The following PDE1C variants were observed in gnomAD, a reference collection of about 807,000 sequenced individuals.
PDE1C encodes the protein dual specificity calcium/calmodulin-dependent 3',5'-cyclic nucleotide phosphodiesterase 1C.
Under a neutral mutation model 93.1 loss-of-function variants are expected in PDE1C, and 62 were observed. That is an observed-to-expected ratio of 0.67 (90% CI 0.54 to 0.82). The LOEUF (loss-of-function observed/expected upper bound fraction) is 0.82. Ranked by LOEUF, PDE1C falls within the 40% of genes least tolerant of loss-of-function variation. The pLI is 0.00. For missense variants in PDE1C, 742 were observed against 884.6 expected, an observed-to-expected ratio of 0.84 and a Z score of 2.04; for synonymous variants, 325 against 310.1, an observed-to-expected ratio of 1.05 and a Z score of -0.50.
chr7:31,789,163 C>T (rs1784309682), intron 16 of PDE1C: 1 of 152,256 alleles, frequency 6.6e-6, no homozygotes, highest in African/African-American at 2.4e-5. Context: ...ATCTAAATCA[C>T]ATCATTTAGA....
intron 3 of PDE1C, among the ~76,000 whole-genome samples, chr7:32,109,701 T>A (rs1486226435): frequency 6.6e-6 from 1 of 152,218 alleles, no homozygotes; most frequent in Non-Finnish European, 1.5e-5. Flanking sequence ...TGATTCTCAC[T>A]ATTCAACAAA....
intron 1 of PDE1C, among the ~76,000 whole-genome samples, chr7:32,305,372 G>A (rs1278637297): frequency 6.6e-6 from 1 of 152,136 alleles, no homozygotes; most frequent in East Asian, 1.9e-4. Flanking sequence ...TTGTTAACCA[G>A]GGAAACTTAC....
chr7:32,071,498 C>T (rs182773353), upstream of PDE1C: 1 of 801,100 alleles, frequency 1.2e-6, no homozygotes, highest in Non-Finnish European at 1.5e-6. Flanking sequence ...TCCCTTTCAC[C>T]CCCCCACCCC....
At chr7:32,416,475 G>C (rs1785279189) in intron 1 of PDE1C, among the ~76,000 whole-genome samples, 1 of 152,188 alleles carries the variant, frequency 6.6e-6, no homozygotes, top group Admixed American at 6.5e-5. Context: ...TAGGCACCTC[G>C]AGACATTTTG....
chr7:32,144,272 T>C (rs952220503), intron 3 of PDE1C, among the ~76,000 whole-genome samples: 3 of 152,122 alleles, frequency 2.0e-5, no homozygotes, highest in Admixed American at 2.0e-4. Context: ...CTCTCTTCTG[T>C]GCCAGCTTTG....
intron 15 of PDE1C, among the ~76,000 whole-genome samples, chr7:31,815,074 A>G (rs921251104): frequency 6.6e-6 from 1 of 152,060 alleles, no homozygotes; most frequent in African/African-American, 2.4e-5. Context: ...AGCCAGCTTC[A>G]GCATTCAAAA....
intron 16 of PDE1C, chr7:31,788,148 G>T (rs568385536): frequency 6.6e-6 from 1 of 152,054 alleles, no homozygotes; most frequent in South Asian, 2.1e-4. Flanking sequence ...TTCAAATGTT[G>T]TTTCTTGTTG....
chr7:32,072,609 C>T (rs776711800), upstream of PDE1C, among the ~76,000 whole-genome samples: 2 of 151,658 alleles, frequency 1.3e-5, no homozygotes, highest in African/African-American at 2.4e-5. Context: ...TGTGGAAGTA[C>T]AATAATGATA....
At chr7:32,338,948 A>G (rs1314848520) in intron 1 of PDE1C, among the ~76,000 whole-genome samples, 5 of 151,410 alleles carry the variant, frequency 3.3e-5, no homozygotes, top group Non-Finnish European at 7.4e-5. Context: ...GCTTGCAGTG[A>G]CCCGAGATCG....
At chr7:31,995,417 C>T (rs968963546) in intron 2 of PDE1C, among the ~76,000 whole-genome samples, 1 of 151,880 alleles carries the variant, frequency 6.6e-6, no homozygotes, top group Admixed American at 6.5e-5. Context: ...ACCTGCTATG[C>T]CCAGAAGCCC....
intron 2 of PDE1C, among the ~76,000 whole-genome samples, chr7:31,964,830 G>A (rs537011593): frequency 1.3e-5 from 2 of 152,222 alleles, no homozygotes; most frequent in Non-Finnish European, 2.9e-5. Context: ...CACCGTTGCT[G>A]ATACCCAGGC....
At chr7:31,635,837 C>A in the PDE1C span, among the ~76,000 whole-genome samples, 2 of 152,046 alleles carry the variant, frequency 1.3e-5, no homozygotes, top group Non-Finnish European at 2.9e-5. Flanking sequence ...AGGCTTAATA[C>A]CTAGGTGATT....
At chr7:31,829,432 T>C (rs1032611033) in intron 11 of PDE1C, among the ~76,000 whole-genome samples, 3 of 152,174 alleles carry the variant, frequency 2.0e-5, no homozygotes, top group Middle Eastern at 3.2e-3. Flanking sequence ...TACACTCCGA[T>C]TGTAATAAGT....
rs1182886402 is a variant in PDE1C, at chr7:31,751,495, C to G, written c.*1889G>C. The G allele has an allele frequency of 6.6e-6, 1 of 152,102 alleles. No homozygotes were observed. The highest frequency in any genetic ancestry group is 1.5e-5 in the Non-Finnish European group (1 of 68,016). 9.4% of individuals were successfully genotyped at this position (152,102 alleles called of 1,614,324 possible). A position where few individuals can be genotyped will look rare whatever the true frequency, so the allele number is the denominator to read the frequency against. On this transcript the variant is annotated 3_prime_UTR_variant, in exon 18 of 18. Transcript: ENST00000396191. ...AACATTATTTGAGGAGGCTACTACTCCCATGGGCCTCCTCAGTGTGTAGCC... is the reference window on the plus strand; with the variant it reads ...AACATTATTTGAGGAGGCTACTACTGCCATGGGCCTCCTCAGTGTGTAGCC...
At chr7:31,934,994 A>G (rs1804838461) in intron 2 of PDE1C, among the ~76,000 whole-genome samples, 1 of 152,224 alleles carries the variant, frequency 6.6e-6, no homozygotes, top group South Asian at 2.1e-4. Context: ...CTACATTGTT[A>G]AACTAATCTC....
chr7:32,316,701 T>C (rs1270404707), intron 1 of PDE1C, among the ~76,000 whole-genome samples: 4 of 152,230 alleles, frequency 2.6e-5, no homozygotes, highest in African/African-American at 7.2e-5. Context: ...CCAAAAACTC[T>C]ACCAGAGAAT....
chr7:31,739,364 G>C, the PDE1C span, among the ~76,000 whole-genome samples: 6 of 152,120 alleles, frequency 3.9e-5, no homozygotes, highest in Non-Finnish European at 8.8e-5. Flanking sequence ...AGCCTTCATG[G>C]GGTCCCTAGA....
chr7:31,853,444 T>C (rs1400550307), intron 7 of PDE1C, among the ~76,000 whole-genome samples: 1 of 152,092 alleles, frequency 6.6e-6, no homozygotes, highest in African/African-American at 2.4e-5. Flanking sequence ...AAGAATGAAC[T>C]AAATGAGCAA....
rs140034881 is a variant in PDE1C at position 32,427,965 on chromosome 7, G to C, written c.167C>G (p.Ser56Cys). 2.2e-3 allele frequency: 338 copies of C among 152,432 alleles called. 1 individual carries two copies. The highest frequency in any genetic ancestry group is 7.8e-3 in the African/African-American group (326 of 41,598). The allele number at this position is 152,432 out of a possible 1,614,324, so 9.4% of individuals were successfully genotyped here. ...CTGTGCCTCACAGGCTACGGGAGGG[G>C]AGAGTGTCTCCCCACGCCGGGGTCC... is the stretch of plus-strand genomic sequence containing the variant. Residue 56 changes from serine to cysteine, a missense_variant, in exon 1 of 2, where the codon TCC (serine) becomes TGC (cysteine). Transcript: ENST00000672256.
Sources: allele counts gnomAD v4.1 joint callset (sites outside exome capture counted in the v4.1 genomes callset), GRCh38; gene constraint gnomAD v4.1.1; transcripts MANE v1.5; gene names NCBI Gene and HGNC (gene_info 2026-07-23, HGNC 2026-07-21).